The following ZCCHC17 variants were observed in gnomAD, a reference collection of about 807,000 sequenced individuals.
ZCCHC17 encodes zinc finger CCHC domain-containing protein 17.
ZCCHC17 carries 18 observed loss-of-function variants against 30.6 expected under a neutral mutation model. That is an observed-to-expected ratio of 0.59 (90% CI 0.41 to 0.87). ZCCHC17 has a LOEUF of 0.87. Among genes scored for constraint, ZCCHC17 ranks in the 40% least tolerant of loss-of-function variants. The pLI, the probability that ZCCHC17 is intolerant of heterozygous loss-of-function variation, is 0.00. For synonymous variants in ZCCHC17, 88 were observed against 92.4 expected (o/e 0.95, Z 0.27); for missense variants, 263 against 284.2 (o/e 0.93, Z 0.54).
intron 7 of ZCCHC17, among the ~76,000 whole-genome samples, chr1:31,349,205 A>AT (rs1488461604): frequency 2.0e-5 from 3 of 151,734 alleles, no homozygotes; most frequent in Admixed American, 6.6e-5. Context: ...CTAAAAAGAA[A>AT]TTTTTTTTGT....
intron 7 of ZCCHC17, among the ~76,000 whole-genome samples, chr1:31,353,765 T>G (rs1367263713): frequency 6.6e-6 from 1 of 152,204 alleles, no homozygotes; most frequent in African/African-American, 2.4e-5. Context: ...CTGAATGGTC[T>G]TGGCCCCTGT....
intron 7 of ZCCHC17, among the ~76,000 whole-genome samples, chr1:31,357,982 G>A (rs774248980): frequency 6.6e-6 from 1 of 152,028 alleles, no homozygotes; most frequent in Non-Finnish European, 1.5e-5. Context: ...TTGAACTCCC[G>A]ACCTCGGGTG....
chr1:31,340,670 A>G (rs979400435), intron 5 of ZCCHC17, among the ~76,000 whole-genome samples: 4 of 152,146 alleles, frequency 2.6e-5, no homozygotes, highest in African/African-American at 7.2e-5. Flanking sequence ...CCAAAATTCT[A>G]TGTGTGTCCT....
intron 5 of ZCCHC17, among the ~76,000 whole-genome samples, chr1:31,339,350 A>G (rs534172771): frequency 1.3e-5 from 2 of 152,220 alleles, no homozygotes; most frequent in Non-Finnish European, 2.9e-5. Flanking sequence ...ATACAAAACT[A>G]GAAATTTGCT....
intron 7 of ZCCHC17, among the ~76,000 whole-genome samples, chr1:31,358,732 T>C (rs1238001026): frequency 6.6e-6 from 1 of 151,902 alleles, no homozygotes; most frequent in Admixed American, 6.6e-5. Flanking sequence ...GGCATAGAAA[T>C]TGAGTTGCCT....
At chr1:31,352,735 C>G (rs1403425585) in intron 7 of ZCCHC17, among the ~76,000 whole-genome samples, 1 of 152,186 alleles carries the variant, frequency 6.6e-6, no homozygotes, top group Admixed American at 6.6e-5. Context: ...GCATGAGCCA[C>G]CACATCGAGC....
intron 2 of ZCCHC17, among the ~76,000 whole-genome samples, chr1:31,311,022 G>A (rs1004320892): frequency 2.2e-4 from 33 of 152,070 alleles, no homozygotes; most frequent in East Asian, 3.8e-4. Context: ...CTGCTTCATC[G>A]TAGCTCCTCT....
At chr1:31,358,107 A>G (rs1306240205) in intron 7 of ZCCHC17, among the ~76,000 whole-genome samples, 1 of 152,256 alleles carries the variant, frequency 6.6e-6, no homozygotes, top group Non-Finnish European at 1.5e-5. Context: ...GAAGGAAGTG[A>G]GGACACAAGC....
At chr1:31,323,786 C>T (rs531758315) in intron 3 of ZCCHC17, among the ~76,000 whole-genome samples, 1 of 152,252 alleles carries the variant, frequency 6.6e-6, no homozygotes, top group Non-Finnish European at 1.5e-5. Flanking sequence ...TGTTAATACC[C>T]AGTGTTAGAA....
intron 3 of ZCCHC17, among the ~76,000 whole-genome samples, 187 bp downstream of exon 3, chr1:31,319,353 C>T (rs1389745645): frequency 6.6e-6 from 1 of 152,160 alleles, no homozygotes; most frequent in African/African-American, 2.4e-5. Flanking sequence ...TGGTCTCTGA[C>T]TCAGGAGGAA....
In ZCCHC17 at chr1:31,346,626, C is replaced by G; in HGVS notation, c.318-14C>G. 1 of 1,597,586 alleles carries G rather than the reference C, an allele frequency of 6.3e-7. No homozygotes were observed. On this transcript the variant is annotated splice_polypyrimidine_tract_variant and intron_variant, in intron 5 of 7. Transcript: ENST00000344147. ...TCTTAAGGGGGCCGGCAGTCGGTAT[C>G]TTTTTCATTATAGGCAAGAAGAGAG...
chr1:31,350,651 G>A (rs1046051687), intron 7 of ZCCHC17, among the ~76,000 whole-genome samples: 1 of 152,156 alleles, frequency 6.6e-6, no homozygotes, highest in African/African-American at 2.4e-5. Flanking sequence ...CCAAGCTGGA[G>A]TGCAGTGGTG....
intron 1 of ZCCHC17, among the ~76,000 whole-genome samples, chr1:31,304,286 T>C (rs951392657): frequency 6.9e-6 from 1 of 144,986 alleles, no homozygotes; most frequent in East Asian, 2.0e-4. Flanking sequence ...TTTTTTTTTC[T>C]TTCTGAGACA....
At chr1:31,354,018 A>G (rs111529229) in intron 7 of ZCCHC17, among the ~76,000 whole-genome samples, 1,824 of 152,294 alleles carry the variant, frequency 0.012, 27 homozygotes, top group African/African-American at 0.033. Context: ...GATTGCATTT[A>G]ATCTGTAGAT....
Position 31,338,963 on chromosome 1 carries a change from A to C in ZCCHC17, c.232A>C (p.Asn78His), listed in dbSNP as rs770679119. The change falls in exon 5 of 8, where the codon AAT becomes CAT. Residue 78 changes from asparagine (N) to histidine (H), a missense_variant. By Grantham distance (68) the Asn-to-His change is moderately conservative (BLOSUM62 1). Transcript: ENST00000344147. Reference protein sequence around the residue: ...WVKLIGREMKNDRIKVSLSMK... With the variant: ...WVKLIGREMKHDRIKVSLSMK... ...TTTTTTTGGTCTCTTTCAGATGAAA[A>C]ATGATAGAATAAAAGTATCCCTCTC... 3.1e-6 allele frequency: 5 copies of C among 1,604,376 alleles called. No individual in the cohort carries two copies. In the Admixed American group the frequency reaches 8.8e-5, roughly 28 times the overall value.
At chr1:31,338,914 G>T in intron 4 of ZCCHC17, 43 bp from the exon 5 acceptor site, 1 of 1,336,956 alleles carries the variant, frequency 7.5e-7, no homozygotes, top group Non-Finnish European at 1.1e-6. Context: ...CCATCTAAAT[G>T]ATGTATTTAA....
At chr1:31,307,984 C>A (rs1381563217) in intron 1 of ZCCHC17, among the ~76,000 whole-genome samples, 1 of 152,148 alleles carries the variant, frequency 6.6e-6, no homozygotes, top group Non-Finnish European at 1.5e-5. Flanking sequence ...TAATACGTTT[C>A]AAGTGTTGGA....
chr1:31,318,960 A>G, intron 2 of ZCCHC17, 149 bp from the exon 3 acceptor site: 1 of 859,634 alleles, frequency 1.2e-6, no homozygotes, highest in Non-Finnish European at 1.7e-6. Flanking sequence ...AAACCCAGAA[A>G]GAATGTTTGA....
chr1:31,351,309 C>T (rs1243878895), intron 7 of ZCCHC17, among the ~76,000 whole-genome samples: 1 of 152,198 alleles, frequency 6.6e-6, no homozygotes, highest in Non-Finnish European at 1.5e-5. Flanking sequence ...CCCATTCCCA[C>T]TGCTACTGTA....
Sources: gnomAD v4.1 joint callset for allele counts (sites outside exome capture counted in the v4.1 genomes callset) on GRCh38, gnomAD v4.1.1 for gene constraint, MANE v1.5 for transcripts, NCBI Gene and HGNC (gene_info 2026-07-23, HGNC 2026-07-21) for gene names.